The following CDC42BPA variants were observed in gnomAD, a reference collection of about 807,000 sequenced individuals.
CDC42BPA encodes CDC42 binding protein kinase alpha, also known as serine/threonine-protein kinase MRCK alpha.
Under a neutral mutation model 223.5 loss-of-function variants are expected in CDC42BPA, and 80 were observed. The ratio of observed to expected loss-of-function variants is 0.36; its 90% CI spans 0.30 to 0.43. CDC42BPA has a LOEUF of 0.43. CDC42BPA is among the 20% of genes least tolerant of loss of function. The pLI, the probability that CDC42BPA is intolerant of heterozygous loss-of-function variation, is 1.00. For missense variants in CDC42BPA, 1,743 were observed against 2,099.9 expected, an observed-to-expected ratio of 0.83 and a Z score of 3.32; for synonymous variants, 694 against 718.6, an observed-to-expected ratio of 0.97 and a Z score of 0.55.
At chr1:227,011,367 A>G (rs1436917634) in intron 34 of CDC42BPA, among the ~76,000 whole-genome samples, 1 of 152,232 alleles carries the variant, frequency 6.6e-6, no homozygotes, top group East Asian at 1.9e-4. Flanking sequence ...CTTATGTAAT[A>G]ACACAATCAA....
At chr1:227,255,311 G>A (rs1448995144) in intron 1 of CDC42BPA, among the ~76,000 whole-genome samples, 1 of 152,166 alleles carries the variant, frequency 6.6e-6, no homozygotes, top group Non-Finnish European at 1.5e-5. Flanking sequence ...TTAGGGGAGT[G>A]AAACAGATAG....
chr1:227,185,518 G>A (rs536717131), intron 5 of CDC42BPA, among the ~76,000 whole-genome samples: 11 of 152,236 alleles, frequency 7.2e-5, no homozygotes, highest in Admixed American at 4.6e-4. Flanking sequence ...CGCCGGCTAC[G>A]TGAATGACAT....
chr1:227,262,421 G>C (rs116365408), intron 1 of CDC42BPA, among the ~76,000 whole-genome samples: 12 of 152,120 alleles, frequency 7.9e-5, no homozygotes, highest in South Asian at 2.1e-4. Context: ...AAAGTACAGA[G>C]AGAGAATCAT....
At chr1:227,242,162 T>C (rs560420984) in intron 2 of CDC42BPA, among the ~76,000 whole-genome samples, 7 of 145,970 alleles carry the variant, frequency 4.8e-5, no homozygotes, top group Non-Finnish European at 1.0e-4. Context: ...TAGCCAAATA[T>C]CATAGTAAAA....
chr1:226,996,115 G>A (rs528772727), intron 35 of CDC42BPA, among the ~76,000 whole-genome samples: 2 of 152,108 alleles, frequency 1.3e-5, no homozygotes, highest in Admixed American at 6.5e-5. Context: ...GCTTCTTTGC[G>A]AAGCCCCTGG....
chr1:227,293,457 C>T (rs2148669532), intron 1 of CDC42BPA, among the ~76,000 whole-genome samples: 1 of 150,282 alleles, frequency 6.7e-6, no homozygotes, highest in South Asian at 2.1e-4. Flanking sequence ...TTATTTATTG[C>T]AAAAGATATC....
At chr1:227,029,305 C>G (rs1169595356) in intron 29 of CDC42BPA, 55 bp from the exon 30 acceptor site, 16 of 1,112,260 alleles carry the variant, frequency 1.4e-5, no homozygotes, top group Non-Finnish European at 2.0e-5. Context: ...TAATCATATC[C>G]CAATTATACT....
At chr1:227,105,554 C>T (rs1685775536) in intron 14 of CDC42BPA, among the ~76,000 whole-genome samples, 1 of 151,840 alleles carries the variant, frequency 6.6e-6, no homozygotes, top group East Asian at 1.9e-4. Flanking sequence ...GGGTCTCACT[C>T]TGTTGCCCAG....
chr1:227,027,586 C>A (rs1006769814), intron 30 of CDC42BPA, among the ~76,000 whole-genome samples: 1 of 152,074 alleles, frequency 6.6e-6, no homozygotes, highest in Non-Finnish European at 1.5e-5. Flanking sequence ...TCATTAAAAA[C>A]AAAACAGTTT....
At chr1:227,079,373 A>G (rs1680169820) in intron 17 of CDC42BPA, among the ~76,000 whole-genome samples, 1 of 152,114 alleles carries the variant, frequency 6.6e-6, no homozygotes, top group Admixed American at 6.6e-5. Context: ...TTCCATTACT[A>G]GCACCACTTC....
At position 226,994,769 on chromosome 1, in the gene CDC42BPA, G is replaced by T; in HGVS notation, c.5133+54C>A. On this transcript the variant is annotated intron_variant, in intron 36 of 36. Coordinates refer to ENST00000366766, the MANE Select transcript of CDC42BPA (RefSeq NM_001394014.1). The surrounding 1 kb of genome is among the most constrained non-coding windows in gnomAD (Gnocchi z 4.0). ...ATCCCAAGGTGGTGGGATTGCCTGG[G>T]AAGATGCCCTAGTCTTTCTGATACA... is the stretch of plus-strand genomic sequence containing the variant. 6.6e-7 allele frequency: 1 copy of T among 1,524,248 alleles called. No individual in the cohort carries two copies. The highest frequency in any genetic ancestry group is 8.9e-7 in the Non-Finnish European group (1 of 1,127,988). The allele number at this position is 1,524,248 out of a possible 1,614,324, so 94.4% of individuals were successfully genotyped here. A position where few individuals can be genotyped will look rare whatever the true frequency, so the allele number is the denominator to read the frequency against.
At chr1:227,235,619 A>G (rs917623580) in intron 2 of CDC42BPA, among the ~76,000 whole-genome samples, 4 of 152,196 alleles carry the variant, frequency 2.6e-5, no homozygotes, top group African/African-American at 4.8e-5. Flanking sequence ...AACAAAGGAA[A>G]TAACTCCAAA....
chr1:227,173,873 G>A (rs1666512879), intron 5 of CDC42BPA, among the ~76,000 whole-genome samples: 1 of 152,124 alleles, frequency 6.6e-6, no homozygotes, highest in East Asian at 1.9e-4. Flanking sequence ...AAAACTAAGA[G>A]GTGGTTTTGG....
At position 227,016,201 on chromosome 1, in the gene CDC42BPA, T is replaced by G. The variant is rs1666205267; in HGVS notation, c.4740-4A>C. On this transcript the variant is annotated splice_region_variant and splice_polypyrimidine_tract_variant and intron_variant, in intron 33 of 36. Coordinates refer to ENST00000366766, the MANE Select transcript of CDC42BPA (RefSeq NM_001394014.1). ...TTCTGGATCTCGTAGCATTTCCCTG[T>G]AAGACAAGGCATCTGTTTAGATACT... 1 of 1,407,918 alleles carries G rather than the reference T, an allele frequency of 7.1e-7. No homozygotes were observed. Among genetic ancestry groups the G allele is most frequent in the Admixed American group, 1.7e-5 (1 of 59,672 alleles). 87.2% of individuals were successfully genotyped at this position (1,407,918 alleles called of 1,614,324 possible). A position where few individuals can be genotyped will look rare whatever the true frequency, so the allele number is the denominator to read the frequency against.
chr1:227,141,656 G>C (rs1407513452), intron 9 of CDC42BPA, among the ~76,000 whole-genome samples: 1 of 152,134 alleles, frequency 6.6e-6, no homozygotes, highest in Non-Finnish European at 1.5e-5. Flanking sequence ...CAAGTAGAAA[G>C]AAATAGGCCA....
chr1:226,994,341 G>C lies in CDC42BPA; in HGVS notation c.5192C>G (p.Pro1731Arg), dbSNP rs777019251. The stretch of plus-strand genomic sequence containing the variant: ...GGTTTTTCGGGGTGAAGCTGGGCTT[G>C]GGGGGCTGCTTAGGTTGGAACTGTT... ...ASNSSNLSSP[P>R]SPASPRKTKS... The change falls in exon 37 of 37, where the codon CCA (proline) becomes CGA (arginine). Residue 1731 changes from proline (P) to arginine (R), a missense_variant. Coordinates refer to ENST00000366766, the MANE Select transcript of CDC42BPA (RefSeq NM_001394014.1). This position sits in a 1 kb window ranked among gnomAD's most constrained non-coding sequence, Gnocchi z 4.0. The C allele has an allele frequency of 1.2e-5, 19 of 1,596,860 alleles. No individual in the cohort carries two copies. The East Asian group carries it at 2.3e-4, about 19-fold the overall frequency.
intron 16 of CDC42BPA, among the ~76,000 whole-genome samples, chr1:227,088,926 A>C (rs1465674066): frequency 6.6e-6 from 1 of 152,028 alleles, no homozygotes; most frequent in Non-Finnish European, 1.5e-5. Flanking sequence ...GGGTTTCTCC[A>C]CGTTGGCCAG....
In CDC42BPA at chr1:227,139,668, C is replaced by T; in HGVS notation, c.1298G>A (p.Arg433Lys). ...AGTTGCTAAGTTGTTGTCTAGAGTC[C>T]TCTGAACATTAACATCAAGATCCAG... ...TSLDLDVNVQ[R>K]TLDNNLATEA... Residue 433 changes from arginine (R) to lysine (K), a missense_variant, in exon 10 of 37, where the codon AGG becomes AAG. Transcript: ENST00000366766. 2 of 1,610,400 alleles carry T rather than the reference C, an allele frequency of 1.2e-6. No homozygotes were observed. Among genetic ancestry groups the T allele is most frequent in the Non-Finnish European group, 1.7e-6 (2 of 1,178,268 alleles).
At chr1:227,130,398 C>T (rs1225943463) in intron 10 of CDC42BPA, among the ~76,000 whole-genome samples, 4 of 152,246 alleles carry the variant, frequency 2.6e-5, no homozygotes, top group African/African-American at 9.6e-5. Flanking sequence ...TGTTGATTTT[C>T]TGCATCCTAT....
Sources: gnomAD v4.1 joint callset for allele counts (sites outside exome capture counted in the v4.1 genomes callset) on GRCh38, gnomAD v4.1.1 for gene constraint, Gnocchi (gnomAD v3.1) non-coding constraint, MANE v1.5 for transcripts, NCBI Gene and HGNC (gene_info 2026-07-23, HGNC 2026-07-21) for gene names.